RNF2: variants seen among roughly 807,000 people sequenced by gnomAD.
The protein encoded by RNF2 is ring finger protein 2.
In RNF2, 6 loss-of-function variants were observed where a neutral mutation model predicts 37.2. The observed-to-expected ratio is 0.16, with a 90% CI of 0.09 to 0.32. The LOEUF (loss-of-function observed/expected upper bound fraction) is 0.32, where lower values mean the gene tolerates loss of function less well. Ranked by LOEUF, RNF2 falls within the 10% of genes least tolerant of loss-of-function variation. The probability of loss-of-function intolerance (pLI) is 1.00; values close to 1 mark genes in which losing one functional copy is unlikely to be tolerated. For synonymous variants in RNF2, 133 were observed against 132.7 expected (o/e 1.00, Z -0.02); for missense variants, 251 against 404.0 (o/e 0.62, Z 3.25).
intron 2 of RNF2, among the ~76,000 whole-genome samples, chr1:185,088,914 A>G (rs759305422): frequency 2.2e-4 from 33 of 152,144 alleles, no homozygotes; most frequent in Non-Finnish European, 4.1e-4. Flanking sequence ...TCCATGTGCT[A>G]ATAAGTACTA....
chr1:185,057,062 C>T (rs917528037), intron 1 of RNF2, among the ~76,000 whole-genome samples: 20 of 152,112 alleles, frequency 1.3e-4, no homozygotes, highest in African/African-American at 4.6e-4. Context: ...TAATCCAGTA[C>T]TTTGGGAGGC....
intron 1 of RNF2, among the ~76,000 whole-genome samples, chr1:185,053,682 T>G (rs543123603): frequency 3.2e-4 from 49 of 152,232 alleles, no homozygotes; most frequent in African/African-American, 1.1e-3. Flanking sequence ...TTTCTTTTGC[T>G]CTCCCATTAC....
At chr1:185,054,194 A>C (rs1557958845) in intron 1 of RNF2, among the ~76,000 whole-genome samples, 1 of 152,242 alleles carries the variant, frequency 6.6e-6, no homozygotes, top group Non-Finnish European at 1.5e-5. Context: ...TAGAGCTGCT[A>C]GGGCACGCAA....
chr1:185,093,055 A>G lies in RNF2; in HGVS notation c.249-6A>G, dbSNP rs765018008. 5.6e-6 allele frequency: 9 copies of G among 1,613,336 alleles called. No homozygotes were observed. The highest frequency in any genetic ancestry group is 2.2e-5 in the East Asian group (1 of 44,842). On this transcript the variant is annotated splice_region_variant and splice_polypyrimidine_tract_variant and intron_variant, in intron 3 of 6. Transcript: ENST00000367510. The stretch of plus-strand genomic sequence containing the variant: ...TTTACATTTGCTTTCCCCTCCTTTT[A>G]TTTAGCAACAAAGAATGTCCTACCT...
intron 5 of RNF2, among the ~76,000 whole-genome samples, chr1:185,099,203 A>G (rs1652006723): frequency 1.3e-5 from 2 of 151,162 alleles, no homozygotes; most frequent in Non-Finnish European, 2.9e-5. Flanking sequence ...ACTCACCACA[A>G]CACCTGGCTA....
At chr1:185,086,098 A>G (rs1298646565) in intron 1 of RNF2, among the ~76,000 whole-genome samples, 1 of 151,922 alleles carries the variant, frequency 6.6e-6, no homozygotes, top group African/African-American at 2.4e-5. Flanking sequence ...TGTTGGATTG[A>G]TAATCTCTTT....
At chr1:185,057,270 T>G (rs1027683034) in intron 1 of RNF2, among the ~76,000 whole-genome samples, 1 of 152,088 alleles carries the variant, frequency 6.6e-6, no homozygotes, top group Non-Finnish European at 1.5e-5. Context: ...ATGATCACAC[T>G]GTTTCACTCT....
At chr1:185,079,907 G>A (rs1332845603) in intron 1 of RNF2, among the ~76,000 whole-genome samples, 2 of 151,824 alleles carry the variant, frequency 1.3e-5, no homozygotes, top group African/African-American at 4.8e-5. Context: ...TCTAGCCTGG[G>A]CAACAAGAGC....
At chr1:185,093,305 A>G (rs1318993747) in intron 4 of RNF2, 29 bp downstream of exon 4, 19 of 1,594,642 alleles carry the variant, frequency 1.2e-5, no homozygotes, top group Admixed American at 5.0e-5. Flanking sequence ...CAGAGAGGGT[A>G]GCTGTTTTTC....
intron 1 of RNF2, among the ~76,000 whole-genome samples, chr1:185,056,290 T>G (rs1370747206): frequency 6.6e-6 from 1 of 152,126 alleles, no homozygotes; most frequent in Non-Finnish European, 1.5e-5. Flanking sequence ...TTTAGGAAAA[T>G]TAAGACAATA....
chr1:185,085,594 C>T (rs1386116672), intron 1 of RNF2, among the ~76,000 whole-genome samples: 1 of 151,848 alleles, frequency 6.6e-6, no homozygotes, highest in Non-Finnish European at 1.5e-5. Context: ...GCTTTCTAGT[C>T]TTCTACCTTC....
At chr1:185,098,391 A>C in intron 5 of RNF2, 47 bp downstream of exon 5, 2 of 1,587,706 alleles carry the variant, frequency 1.3e-6, no homozygotes, top group Non-Finnish European at 1.7e-6. Context: ...AGAATGTTTA[A>C]TTTGGAGGTA....
chr1:185,067,842 C>T (rs1303142199), intron 1 of RNF2, among the ~76,000 whole-genome samples: 2 of 146,056 alleles, frequency 1.4e-5, no homozygotes, highest in East Asian at 4.2e-4. Context: ...TCTCGAGTAG[C>T]TGGGACTACA....
chr1:185,051,382 C>A (rs968196234), intron 1 of RNF2, among the ~76,000 whole-genome samples: 1 of 152,058 alleles, frequency 6.6e-6, no homozygotes, highest in Non-Finnish European at 1.5e-5. Flanking sequence ...AGATTCTTGG[C>A]CTTTCTGAGT....
chr1:185,054,656 C>A (rs1650378128), intron 1 of RNF2, among the ~76,000 whole-genome samples: 1 of 152,134 alleles, frequency 6.6e-6, no homozygotes, highest in South Asian at 2.1e-4. Context: ...GACATGTCGC[C>A]TCAGTTTCTT....
chr1:185,051,460 T>C (rs1650270635), intron 1 of RNF2, among the ~76,000 whole-genome samples: 1 of 152,154 alleles, frequency 6.6e-6, no homozygotes, highest in Admixed American at 6.5e-5. Context: ...TTTGAAAAGA[T>C]ATAAGAAGTA....
At chr1:185,081,282 T>C (rs1651341014) in intron 1 of RNF2, among the ~76,000 whole-genome samples, 1 of 152,204 alleles carries the variant, frequency 6.6e-6, no homozygotes, top group Non-Finnish European at 1.5e-5. Context: ...CTGCTAGTTG[T>C]GGAAGTGTCT....
intron 1 of RNF2, among the ~76,000 whole-genome samples, chr1:185,059,275 A>G (rs1650530847): frequency 6.6e-6 from 1 of 151,538 alleles, no homozygotes; most frequent in Admixed American, 6.6e-5. Context: ...TTTTTCTGCA[A>G]AAGAAAATCT....
chr1:185,072,201 A>G (rs1650997546), intron 1 of RNF2, among the ~76,000 whole-genome samples: 1 of 152,290 alleles, frequency 6.6e-6, no homozygotes, highest in Non-Finnish European at 1.5e-5. Flanking sequence ...AGTTGAAGCA[A>G]TAAACCAAGG....
Sources: gnomAD v4.1 joint callset for allele counts (sites outside exome capture counted in the v4.1 genomes callset) on GRCh38, gnomAD v4.1.1 for gene constraint, MANE v1.5 for transcripts, NCBI Gene and HGNC (gene_info 2026-07-23, HGNC 2026-07-21) for gene names.